SCAPER: variants seen among roughly 807,000 people sequenced by gnomAD.
SCAPER encodes the protein S-phase cyclin A associated protein in the ER.
Under a neutral mutation model 182.2 loss-of-function variants are expected in SCAPER, and 98 were observed. That is an observed-to-expected ratio of 0.54 (90% CI 0.46 to 0.64). The LOEUF (loss-of-function observed/expected upper bound fraction) is 0.64. SCAPER is among the 30% of genes least tolerant of loss of function. The pLI is 0.00. For missense variants in SCAPER, 1,432 were observed against 1,690.0 expected (o/e 0.85, Z 2.68); for synonymous variants, 605 against 564.6 (o/e 1.07, Z -1.01).
At chr15:76,756,579 A>G (rs1327741430) in intron 14 of SCAPER, among the ~76,000 whole-genome samples, 1 of 151,286 alleles carries the variant, frequency 6.6e-6, no homozygotes, top group Non-Finnish European at 1.5e-5. Context: ...CCTGACTCTA[A>G]AAAAAAAACA....
In SCAPER at chr15:76,733,356, A is replaced by G; in HGVS notation, c.1895T>C (p.Leu632Pro). 1 of 1,613,592 alleles carries G rather than the reference A, an allele frequency of 6.2e-7. No individual in the cohort carries two copies. The highest frequency in any genetic ancestry group is 8.5e-7 in the Non-Finnish European group (1 of 1,179,742). Residue 632 changes from leucine (L) to proline (P), a missense_variant, in exon 16 of 32, where the codon CTT (leucine) becomes CCT (proline). By Grantham distance (98) the Leu-to-Pro change is moderately conservative. Around this residue, in one of 5 missense-constraint regions of SCAPER, gnomAD observed 88 missense variants for 184.2 expected, o/e 0.48. Coordinates refer to ENST00000563290, the MANE Select transcript of SCAPER (RefSeq NM_020843.4). ...KVNEIAFINT[L>P]EAQNKRHDVL... ...ATCATGACGTTTATTCTGGGCTTCA[A>G]GGGTATTTATAAAGGCAATTTCATT...
chr15:76,463,129 G>A (rs1373589541), intron 25 of SCAPER, among the ~76,000 whole-genome samples: 2 of 152,082 alleles, frequency 1.3e-5, no homozygotes, highest in African/African-American at 4.8e-5. Context: ...TTCTGCTGAA[G>A]GAAAAGGCAA....
At chr15:76,851,382 T>C (rs2070741603) in intron 4 of SCAPER, among the ~76,000 whole-genome samples, 1 of 152,130 alleles carries the variant, frequency 6.6e-6, no homozygotes, top group African/African-American at 2.4e-5. Flanking sequence ...CCAAGACATG[T>C]AATCATCAGA....
At chr15:76,769,276 A>G (rs1397596310) in intron 10 of SCAPER, among the ~76,000 whole-genome samples, 1 of 151,732 alleles carries the variant, frequency 6.6e-6, no homozygotes, top group Non-Finnish European at 1.5e-5. Context: ...CCCCGTTTCT[A>G]CTAAAAAATA....
chr15:76,446,607 A>G lies in SCAPER; in HGVS notation c.3079-12297T>C, dbSNP rs572702240. Among the ~76,000 whole-genome samples the G allele has an allele frequency of 2.6e-5, 4 of 152,334 alleles. No homozygotes were observed. In the South Asian group the frequency reaches 8.3e-4, roughly 32 times the overall value. On this transcript the variant is annotated intron_variant, in intron 25 of 31. Coordinates refer to ENST00000563290, the MANE Select transcript of SCAPER (RefSeq NM_020843.4). The stretch of plus-strand genomic sequence containing the variant: ...CTTCAGGCAAGCTCAATAGAAACTT[A>G]TAAGGACAGATGTGTTATGGATAAT...
intron 4 of SCAPER, among the ~76,000 whole-genome samples, chr15:76,842,183 T>C (rs541442149): frequency 6.6e-6 from 1 of 152,196 alleles, no homozygotes; most frequent in Non-Finnish European, 1.5e-5. Flanking sequence ...AGGATATGCA[T>C]AGGTTATATG....
rs1011068134 is a variant in SCAPER, at chr15:76,778,728, G to A, written c.773-3611C>T. On this transcript the variant is annotated intron_variant, in intron 8 of 31. Transcript: ENST00000563290. ...AGTATGTTTTTAAGTATTAGTTTAA[G>A]TACATTTTTAAGTATACACATATGT... Among the ~76,000 whole-genome samples the A allele has an allele frequency of 4.0e-5, 6 of 151,784 alleles. No homozygotes were observed. The East Asian group carries it at 1.2e-3, about 29-fold the overall frequency.
intron 20 of SCAPER, among the ~76,000 whole-genome samples, chr15:76,690,094 GA>G (rs915989213): frequency 6.1e-5 from 9 of 148,004 alleles, no homozygotes; most frequent in Admixed American, 2.0e-4. Flanking sequence ...CCAAGATATG[GA>G]AAAAAAAAAT....
At chr15:76,548,557 C>G (rs1411072571) in intron 23 of SCAPER, among the ~76,000 whole-genome samples, 11 of 152,174 alleles carry the variant, frequency 7.2e-5, no homozygotes, top group Non-Finnish European at 1.5e-4. Flanking sequence ...GGGGTAAACA[C>G]TGCATCTGTA....
intron 8 of SCAPER, among the ~76,000 whole-genome samples, chr15:76,795,069 C>T (rs2065231853): frequency 6.6e-6 from 1 of 152,106 alleles, no homozygotes; most frequent in South Asian, 2.1e-4. Flanking sequence ...TTACACATGG[C>T]AAACCTGAAA....
At chr15:76,620,706 G>T (rs1352964136) in intron 22 of SCAPER, among the ~76,000 whole-genome samples, 1 of 152,094 alleles carries the variant, frequency 6.6e-6, no homozygotes, top group Admixed American at 6.6e-5. Context: ...CTTTTTCACT[G>T]TTAAAAGTAC....
Position 76,807,168 on chromosome 15 carries a change from C to T in SCAPER, c.394-2535G>A, listed in dbSNP as rs555658507. Among the ~76,000 whole-genome samples, 3 of 152,298 alleles carry T rather than the reference C, an allele frequency of 2.0e-5. No individual in the cohort carries two copies. The East Asian group carries it at 5.8e-4, about 29-fold the overall frequency. ...CCCAACGGGAAAGCTTTCAGTCTTT[C>T]ACCATTAAGCATGACATTAACTGTG... On this transcript the variant is annotated intron_variant, in intron 5 of 31. Coordinates refer to ENST00000563290, the MANE Select transcript of SCAPER (RefSeq NM_020843.4).
intron 22 of SCAPER, among the ~76,000 whole-genome samples, chr15:76,578,541 G>T (rs1044768089): frequency 6.6e-6 from 1 of 152,178 alleles, no homozygotes; most frequent in African/African-American, 2.4e-5. Context: ...GAGAAAATAA[G>T]GGAAGAGAAC....
At chr15:76,805,966 T>C (rs1197067515) in intron 5 of SCAPER, among the ~76,000 whole-genome samples, 2 of 152,222 alleles carry the variant, frequency 1.3e-5, no homozygotes, top group South Asian at 2.1e-4. Flanking sequence ...GTTCTTTATA[T>C]ATTCTAGGTA....
At chr15:76,835,768 T>C (rs1369136167) in intron 5 of SCAPER, among the ~76,000 whole-genome samples, 2 of 151,964 alleles carry the variant, frequency 1.3e-5, no homozygotes, top group East Asian at 3.9e-4. Flanking sequence ...CTGCAGACAA[T>C]ATGATTCTAT....
At chr15:76,393,896 A>G (rs1464317543) in intron 27 of SCAPER, among the ~76,000 whole-genome samples, 1 of 152,222 alleles carries the variant, frequency 6.6e-6, no homozygotes, top group Non-Finnish European at 1.5e-5. Context: ...CATCTACCAC[A>G]GATGTGTGAA....
At chr15:76,568,190 CATATATAT>C (rs60959582) in intron 23 of SCAPER, among the ~76,000 whole-genome samples, 15,607 of 138,480 alleles carry the variant, frequency 0.11, 1,067 homozygotes, top group East Asian at 0.25. Flanking sequence ...ATGGATCAAG[CATATATAT>C]ATATATATAT....
At chr15:76,418,187 T>C (rs2142300695) in intron 26 of SCAPER, among the ~76,000 whole-genome samples, 1 of 152,234 alleles carries the variant, frequency 6.6e-6, no homozygotes, top group Middle Eastern at 3.4e-3. Flanking sequence ...TGGATAATAC[T>C]AGAGGGGCAG....
intron 17 of SCAPER, among the ~76,000 whole-genome samples, chr15:76,726,290 G>C (rs917669266): frequency 1.2e-4 from 18 of 150,730 alleles, no homozygotes; most frequent in African/African-American, 4.4e-4. Flanking sequence ...CTAATCACTA[G>C]GGAAATGCAA....
Sources: allele counts gnomAD v4.1 joint callset (sites outside exome capture counted in the v4.1 genomes callset), GRCh38; gene constraint gnomAD v4.1.1; regional missense constraint gnomAD v4.1.1; transcripts MANE v1.5; gene names NCBI Gene and HGNC (gene_info 2026-07-23, HGNC 2026-07-21).